The following GRIK2 variants were observed in gnomAD, a reference collection of about 807,000 sequenced individuals.
GRIK2 encodes glutamate ionotropic receptor kainate type subunit 2, also known as glutamate receptor ionotropic, kainate 2.
GRIK2 carries 32 observed loss-of-function variants against 100.3 expected under a neutral mutation model. That is an observed-to-expected ratio of 0.32 (90% CI 0.24 to 0.43). The LOEUF is 0.43. Ranked by LOEUF, GRIK2 falls within the 20% of genes least tolerant of loss-of-function variation. GRIK2 has a pLI of 1.00. For synonymous variants in GRIK2, 417 were observed against 389.4 expected, an observed-to-expected ratio of 1.07 and a Z score of -0.83; for missense variants, 843 against 1,114.9, an observed-to-expected ratio of 0.76 and a Z score of 3.47.
intron 14 of GRIK2, among the ~76,000 whole-genome samples, chr6:101,982,589 GA>G (rs2128489771): frequency 6.6e-6 from 1 of 151,028 alleles, no homozygotes; most frequent in South Asian, 2.1e-4. Context: ...GAGAAAAATT[GA>G]ATTTAAAAAC....
At chr6:101,899,226 G>T (rs1787684097) in intron 12 of GRIK2, among the ~76,000 whole-genome samples, 1 of 150,998 alleles carries the variant, frequency 6.6e-6, no homozygotes, top group African/African-American at 2.4e-5. Flanking sequence ...TAAAACAAAT[G>T]ACCATGCAAA....
intron 2 of GRIK2, among the ~76,000 whole-genome samples, chr6:101,590,325 T>C (rs868837444): frequency 2.0e-5 from 3 of 152,064 alleles, no homozygotes; most frequent in African/African-American, 7.2e-5. Flanking sequence ...ATAAAGGGCA[T>C]TGGAGAGCAA....
At chr6:101,656,302 C>CA (rs111721256) in intron 4 of GRIK2, among the ~76,000 whole-genome samples, 11,374 of 83,696 alleles carry the variant, frequency 0.14, 510 homozygotes, top group Middle Eastern at 0.16. Context: ...AGACTCCATC[C>CA]AAAAAAAAAA....
chr6:101,734,038 A>C (rs549696150), intron 7 of GRIK2, among the ~76,000 whole-genome samples: 98 of 152,152 alleles, frequency 6.4e-4, no homozygotes, highest in African/African-American at 2.2e-3. Flanking sequence ...CCATATTTTT[A>C]GTATGCACTT....
In GRIK2 at chr6:101,799,499, A is replaced by G. The variant is rs574401521; in HGVS notation, c.952-149A>G. ...ATAATGTCTTGTTTAAGAGAACGAGAGCATGTTAGAGATAACGTTTTCTTC... is the reference window on the plus strand; with the variant it reads ...ATAATGTCTTGTTTAAGAGAACGAGGGCATGTTAGAGATAACGTTTTCTTC... On this transcript the variant is annotated intron_variant, in intron 7 of 16. Transcript: ENST00000369134. The G allele has an allele frequency of 4.1e-5, 25 of 614,816 alleles. No individual in the cohort carries two copies. The African/African-American group carries it at 4.6e-4, about 11-fold the overall frequency. 38.1% of individuals were successfully genotyped at this position (614,816 alleles called of 1,614,324 possible).
At chr6:101,704,406 G>A (rs1192987489) in intron 7 of GRIK2, among the ~76,000 whole-genome samples, 1 of 151,350 alleles carries the variant, frequency 6.6e-6, no homozygotes, top group Non-Finnish European at 1.5e-5. Context: ...GGGAGGATAG[G>A]GGATTTGTTA....
At chr6:101,552,997 T>C (rs1032090688) in intron 2 of GRIK2, among the ~76,000 whole-genome samples, 2 of 152,218 alleles carry the variant, frequency 1.3e-5, no homozygotes, top group Non-Finnish European at 2.9e-5. Flanking sequence ...CATGACCATA[T>C]TACTTATGCC....
intron 14 of GRIK2, among the ~76,000 whole-genome samples, chr6:101,989,545 A>G (rs996301051): frequency 1.6e-5 from 1 of 60,828 alleles, no homozygotes; most frequent in Non-Finnish European, 3.9e-5. Flanking sequence ...TGAAAAGCAG[A>G]AAAATTAGTT....
intron 7 of GRIK2, among the ~76,000 whole-genome samples, chr6:101,792,130 C>T (rs562491554): frequency 2.0e-5 from 3 of 151,856 alleles, no homozygotes; most frequent in Non-Finnish European, 4.4e-5. Context: ...TTCCTGAATA[C>T]AGCACACTGA....
intron 2 of GRIK2, among the ~76,000 whole-genome samples, chr6:101,535,706 T>C (rs1775658585): frequency 6.6e-6 from 1 of 151,816 alleles, no homozygotes; most frequent in Non-Finnish European, 1.5e-5. Flanking sequence ...TATAATTATA[T>C]ATGATATGGA....
rs752870197 is a variant in GRIK2, at chr6:101,399,326, G to C, written c.49G>C (p.Val17Leu). 5.6e-6 allele frequency: 9 copies of C among 1,599,726 alleles called. No homozygotes were observed. Among genetic ancestry groups the C allele is most frequent in the Non-Finnish European group, 7.7e-6 (9 of 1,167,032 alleles). Residue 17 changes from valine to leucine, a missense_variant, in exon 2 of 17, where the codon GTT becomes CTT. Physicochemically the swap from Val to Leu is conservative, Grantham distance 32 (BLOSUM62 1). Around this residue, in one of 3 missense-constraint regions of GRIK2, gnomAD observed 519 missense variants for 643.8 expected, o/e 0.81. Coordinates refer to ENST00000369134, the MANE Select transcript of GRIK2 (RefSeq NM_021956.5). ...ILSNPVFRRT[V>L]KLLLCLLWIG... ...AAGTAATCCAGTCTTCAGGCGCACCGTTAAACTCCTGCTCTGTTTACTGTG... is the reference window on the plus strand; with the variant it reads ...AAGTAATCCAGTCTTCAGGCGCACCCTTAAACTCCTGCTCTGTTTACTGTG...
At chr6:101,895,580 C>A (rs991997887) in intron 12 of GRIK2, among the ~76,000 whole-genome samples, 2 of 151,662 alleles carry the variant, frequency 1.3e-5, no homozygotes, top group African/African-American at 4.8e-5. Context: ...TTATTATGCA[C>A]TTAAAAATAG....
chr6:101,981,120 C>A (rs1250957074), intron 14 of GRIK2, among the ~76,000 whole-genome samples: 3 of 151,702 alleles, frequency 2.0e-5, no homozygotes, highest in Non-Finnish European at 4.4e-5. Context: ...GAATTCCCAG[C>A]CATGCCTGCC....
intron 2 of GRIK2, among the ~76,000 whole-genome samples, chr6:101,416,209 T>C (rs1299384797): frequency 1.3e-5 from 2 of 152,204 alleles, no homozygotes. Context: ...CCTTGTGATC[T>C]GTGGAGACAG....
chr6:101,625,937 G>C (rs1030671032), intron 3 of GRIK2, among the ~76,000 whole-genome samples: 11 of 152,134 alleles, frequency 7.2e-5, no homozygotes. Context: ...GTTCATCTGT[G>C]TGTGAGCATA....
intron 4 of GRIK2, among the ~76,000 whole-genome samples, chr6:101,632,013 C>T (rs576694337): frequency 2.2e-4 from 33 of 152,086 alleles, no homozygotes; most frequent in Non-Finnish European, 4.3e-4. Context: ...AGCCAGTAGA[C>T]ACCTTTTAGT....
chr6:102,029,700 G>A (rs1244003993), intron 14 of GRIK2, among the ~76,000 whole-genome samples: 1 of 151,134 alleles, frequency 6.6e-6, no homozygotes, highest in Non-Finnish European at 1.5e-5. Context: ...CAAGCCAATG[G>A]CAGTGTTCTA....
chr6:101,765,702 C>T (rs1484112551), intron 7 of GRIK2, among the ~76,000 whole-genome samples: 1 of 152,000 alleles, frequency 6.6e-6, no homozygotes, highest in African/African-American at 2.4e-5. Flanking sequence ...AAACCAATGC[C>T]TCTCTCTCCC....
intron 14 of GRIK2, among the ~76,000 whole-genome samples, chr6:102,025,434 T>C (rs988139363): frequency 6.6e-6 from 1 of 151,152 alleles, no homozygotes; most frequent in Non-Finnish European, 1.5e-5. Context: ...ATAAGGTATA[T>C]ATATGGTGAG....
Sources: allele counts gnomAD v4.1 joint callset (sites outside exome capture counted in the v4.1 genomes callset), GRCh38; gene constraint gnomAD v4.1.1; regional missense constraint gnomAD v4.1.1; transcripts MANE v1.5; gene names NCBI Gene and HGNC (gene_info 2026-07-23, HGNC 2026-07-21).